Variants in WAC observed in about 807,000 individuals in gnomAD.
The protein encoded by WAC is WW domain-containing adapter protein with coiled-coil.
In WAC, 11 loss-of-function variants were observed where a neutral mutation model predicts 79.6. That is an observed-to-expected ratio of 0.14 (90% CI 0.09 to 0.23). WAC has a LOEUF of 0.23. Ranked by LOEUF, WAC falls within the 10% of genes least tolerant of loss-of-function variation. The pLI is 1.00. For missense variants in WAC, 728 were observed against 773.5 expected (o/e 0.94, Z 0.70); for synonymous variants, 304 against 276.9 (o/e 1.10, Z -0.97).
intron 3 of WAC, among the ~76,000 whole-genome samples, chr10:28,537,270 T>A (rs559316583): frequency 6.6e-6 from 1 of 152,216 alleles, no homozygotes; most frequent in East Asian, 1.9e-4. Flanking sequence ...TTTAGAGTTA[T>A]CAGTTTTGTG....
chr10:28,535,562 G>T lies in WAC; in HGVS notation c.79G>T (p.Ala27Ser), dbSNP rs1423919690. 3.2e-6 allele frequency: 5 copies of T among 1,584,440 alleles called. No homozygotes were observed. Among genetic ancestry groups the T allele is most frequent in the East Asian group, 2.3e-5 (1 of 43,818 alleles). ...DRRGDSQPYQ[A>S]LKYSSKSHPS... ...TTTTTGGGGGGGTGATGTTTTACAG[G>T]CACTTAAGTATTCATCGAAGAGTCA... The change falls in exon 3 of 14, where the codon GCA becomes TCA. Residue 27 changes from alanine (A) to serine (S), a missense_variant and splice_region_variant. Physicochemically the swap from Ala to Ser is moderately conservative, Grantham distance 99 (BLOSUM62 1). Transcript: ENST00000354911.
At chr10:28,558,274 A>G (rs1449735422) in intron 3 of WAC, among the ~76,000 whole-genome samples, 1 of 151,826 alleles carries the variant, frequency 6.6e-6, no homozygotes, top group Non-Finnish European at 1.5e-5. Context: ...TAAAGATTTT[A>G]TTGAGGAGAG....
At chr10:28,554,531 A>G (rs1160824400) in intron 3 of WAC, among the ~76,000 whole-genome samples, 1 of 152,040 alleles carries the variant, frequency 6.6e-6, no homozygotes, top group African/African-American at 2.4e-5. Flanking sequence ...CCTTATCCCC[A>G]ATATCCACGA....
chr10:28,612,222 A>G (rs761380674), intron 10 of WAC, among the ~76,000 whole-genome samples: 30 of 152,358 alleles, frequency 2.0e-4, no homozygotes, highest in South Asian at 4.1e-4. Context: ...AGAATTTTCA[A>G]ACTCCAAAAG....
chr10:28,535,858 TTA>T (rs1304292820), intron 3 of WAC, 101 bp downstream of exon 3: 3 of 997,146 alleles, frequency 3.0e-6, no homozygotes, highest in Non-Finnish European at 4.3e-6. Context: ...TACTGTTCAG[TTA>T]TGTCATTAAA....
intron 3 of WAC, among the ~76,000 whole-genome samples, chr10:28,561,960 G>A (rs1838321722): frequency 6.6e-6 from 1 of 152,186 alleles, no homozygotes; most frequent in Admixed American, 6.5e-5. Flanking sequence ...GAATTGTTGG[G>A]AAGAAGGGTA....
At chr10:28,575,842 C>T (rs187963358) in intron 3 of WAC, among the ~76,000 whole-genome samples, 3 of 152,194 alleles carry the variant, frequency 2.0e-5, no homozygotes, top group Admixed American at 6.5e-5. Context: ...TTTTAAAACT[C>T]TCCTGTCGCA....
At chr10:28,611,503 G>T in intron 9 of WAC, 1 of 1,382,236 alleles carries the variant, frequency 7.2e-7, no homozygotes, top group Non-Finnish European at 9.5e-7. Context: ...TTCCATGTGA[G>T]ATTAGGTTCA....
At chr10:28,562,836 T>G (rs961405440) in intron 3 of WAC, among the ~76,000 whole-genome samples, 3 of 152,198 alleles carry the variant, frequency 2.0e-5, no homozygotes, top group African/African-American at 7.2e-5. Flanking sequence ...CTTCCCAGTT[T>G]GTGGCTTTGG....
At position 28,614,597 on chromosome 10, in the gene WAC, G is replaced by T. The variant is rs762481015; in HGVS notation, c.1468G>T (p.Val490Leu). The T allele has an allele frequency of 1.2e-6, 2 of 1,614,058 alleles. No homozygotes were observed. The highest frequency in any genetic ancestry group is 2.2e-5 in the South Asian group (2 of 91,088). ...VSTPVVKQGP[V>L]SQSATQQPVT... ...TACTCCAGTAGTTAAGCAAGGACCA[G>T]TGTCACAGTCAGCCACACAGCAGCC... Residue 490 changes from valine to leucine, a missense_variant, in exon 11 of 14, where the codon GTG (valine) becomes TTG (leucine). This residue lies in a region of WAC where 648 missense variants were observed against 661.5 expected (regional missense o/e 0.98). Coordinates refer to ENST00000354911, the MANE Select transcript of WAC (RefSeq NM_016628.5).
intron 3 of WAC, among the ~76,000 whole-genome samples, chr10:28,563,777 T>A (rs1384342257): frequency 7.4e-6 from 1 of 134,582 alleles, no homozygotes; most frequent in Non-Finnish European, 1.6e-5. Flanking sequence ...TTTTTTTGTA[T>A]TTTTAGTAGA....
At chr10:28,543,326 TA>T (rs1396219451) in intron 3 of WAC, among the ~76,000 whole-genome samples, 1 of 151,726 alleles carries the variant, frequency 6.6e-6, no homozygotes, top group Non-Finnish European at 1.5e-5. Context: ...TAGTATATTT[TA>T]TTTGACCTAA....
intron 3 of WAC, among the ~76,000 whole-genome samples, chr10:28,548,396 T>G (rs1837483089): frequency 6.6e-6 from 1 of 152,194 alleles, no homozygotes; most frequent in Non-Finnish European, 1.5e-5. Flanking sequence ...TCTATTCTAC[T>G]TCTCTTTTGC....
At position 28,608,220 on chromosome 10, in the gene WAC, T is replaced by C; in HGVS notation, c.954T>C (p.Ser318=). The part of the protein sequence containing the change: ...STSGDKPVSH[S]CTTPSTSSAS... ...CAGGAGACAAACCCGTATCACATTC[T>C]TGCACAACTCCTTCCACGTCTTCTG... Residue 318 remains serine (S), a synonymous_variant, in exon 8 of 14, where the codon TCT becomes TCC. Coordinates refer to ENST00000354911, the MANE Select transcript of WAC (RefSeq NM_016628.5). 1.2e-6 allele frequency: 2 copies of C among 1,614,216 alleles called. No homozygotes were observed. The highest frequency in any genetic ancestry group is 1.7e-6 in the Non-Finnish European group (2 of 1,180,040).
At chr10:28,587,535 A>G (rs756533439) in intron 4 of WAC, among the ~76,000 whole-genome samples, 3 of 152,226 alleles carry the variant, frequency 2.0e-5, no homozygotes, top group Non-Finnish European at 4.4e-5. Flanking sequence ...TATATTGGCA[A>G]CCATCCCAGG....
At chr10:28,577,042 G>A (rs1395772896) in intron 3 of WAC, among the ~76,000 whole-genome samples, 2 of 152,100 alleles carry the variant, frequency 1.3e-5, no homozygotes, top group Non-Finnish European at 2.9e-5. Context: ...TCATTGAATA[G>A]CACAAATGTA....
At chr10:28,559,675 G>A (rs1396640225) in intron 3 of WAC, among the ~76,000 whole-genome samples, 1 of 152,146 alleles carries the variant, frequency 6.6e-6, no homozygotes, top group African/African-American at 2.4e-5. Flanking sequence ...TATTGTTATC[G>A]TTAATGATAA....
rs759367526 is a variant in WAC at position 28,608,427 on chromosome 10, T to C, written c.1161T>C (p.Asn387=). 9 of 1,584,528 alleles carry C rather than the reference T, an allele frequency of 5.7e-6. No homozygotes were observed. Residue 387 remains asparagine (N), a synonymous_variant, in exon 8 of 14, where the codon AAT becomes AAC. Coordinates refer to ENST00000354911, the MANE Select transcript of WAC (RefSeq NM_016628.5). The part of the protein sequence containing the change: ...NNSNVDISKI[N]EVLTAAVTQA... ...CTAATGTGGACATATCTAAAATAAA[T>C]GAAGGTAAATCTTCATAACAGTTTT...
chr10:28,598,533 C>G (rs1321316197), intron 7 of WAC, among the ~76,000 whole-genome samples: 2 of 152,166 alleles, frequency 1.3e-5, no homozygotes, highest in African/African-American at 4.8e-5. Flanking sequence ...CCTTCTAACC[C>G]TTCCCTCCAT....
Sources: gnomAD v4.1 joint callset for allele counts (sites outside exome capture counted in the v4.1 genomes callset) on GRCh38, gnomAD v4.1.1 for gene constraint, gnomAD v4.1.1 regional missense constraint, MANE v1.5 for transcripts, NCBI Gene and HGNC (gene_info 2026-07-23, HGNC 2026-07-21) for gene names.